The following UMOD variants were observed in gnomAD, a reference collection of about 807,000 sequenced individuals.
UMOD encodes the protein uromodulin, also known as Tamm-Horsfall urinary glycoprotein.
In UMOD, 64 loss-of-function variants were observed where a neutral mutation model predicts 66.0. That is an observed-to-expected ratio of 0.97 (90% CI 0.79 to 1.19). The LOEUF is 1.19. Ranked by LOEUF, UMOD falls within the 50% of genes most tolerant of loss-of-function variation. UMOD has a pLI of 0.00. For synonymous variants in UMOD, 398 were observed against 352.7 expected, an observed-to-expected ratio of 1.13 and a Z score of -1.44; for missense variants, 764 against 850.9, an observed-to-expected ratio of 0.90 and a Z score of 1.27.
intron 1 of UMOD, 66 bp from the exon 2 acceptor site, chr16:20,350,905 C>T (rs1441691667): frequency 2.7e-6 from 4 of 1,463,226 alleles, no homozygotes; most frequent in African/African-American, 1.4e-5. Context: ...GGAAGGAGTG[C>T]TTTGATTGTA....
chr16:20,352,258 A>G (rs1828902624), intron 1 of UMOD, among the ~76,000 whole-genome samples: 1 of 152,116 alleles, frequency 6.6e-6, no homozygotes, highest in Non-Finnish European at 1.5e-5. Context: ...GCTTACTGAC[A>G]TATTCTATTA....
chr16:20,336,875 G>A (rs1188745585), intron 8 of UMOD, 148 bp from the exon 9 acceptor site: 2 of 693,060 alleles, frequency 2.9e-6, no homozygotes, highest in East Asian at 5.5e-5. Flanking sequence ...GCTCGTGCAG[G>A]TCCCAGCTCT....
chr16:20,347,025 CT>C (rs71149134), intron 4 of UMOD, among the ~76,000 whole-genome samples: 1 of 151,818 alleles, frequency 6.6e-6, no homozygotes, highest in Non-Finnish European at 1.5e-5. Context: ...CTCTCTCTCT[CT>C]TTTTTTTGAG....
upstream of UMOD, chr16:20,352,726 T>C (rs1157074232): frequency 8.1e-7 from 1 of 1,231,584 alleles, no homozygotes; most frequent in African/African-American, 1.6e-5. Context: ...GGTCATGATG[T>C]GCCTCATACT....
Position 20,346,285 on chromosome 16 carries a change from C to T in UMOD, c.1023G>A (p.Lys341=), listed in dbSNP as rs1222483299. Residue 341 remains lysine, a synonymous_variant, in exon 5 of 11, where the codon AAG becomes AAA. Coordinates refer to ENST00000396138, the MANE Select transcript of UMOD (RefSeq NM_003361.4). ...HRLECGANDM[K]VSLGKCQLKS... ...TCAGCTGGCACTTGCCCAGCGACAC[C>T]TTCATGTCATTGGCCCCACATTCCA... The T allele has an allele frequency of 1.6e-5, 26 of 1,614,138 alleles. No individual in the cohort carries two copies. The highest frequency in any genetic ancestry group is 2.0e-5 in the Non-Finnish European group (24 of 1,180,056).
upstream of UMOD, among the ~76,000 whole-genome samples, chr16:20,354,463 C>T (rs1439902949): frequency 6.6e-6 from 1 of 152,112 alleles, no homozygotes. Context: ...TAAGTGGAAA[C>T]GATCTCATTA....
chr16:20,348,409 G>T (rs2141673420), intron 3 of UMOD, 27 bp downstream of exon 3: 1 of 1,614,102 alleles, frequency 6.2e-7, no homozygotes, highest in East Asian at 2.2e-5. Flanking sequence ...GGCCTGGGAT[G>T]AGGACTGTGG....
At chr16:20,348,077 T>A in intron 4 of UMOD, 146 bp downstream of exon 4, 1 of 770,284 alleles carries the variant, frequency 1.3e-6, no homozygotes, top group Non-Finnish European at 2.3e-6. Flanking sequence ...TTAATGGGTA[T>A]TAGTGGATCT....
chr16:20,352,019 C>CA (rs1567313774), intron 1 of UMOD, among the ~76,000 whole-genome samples: 5 of 141,330 alleles, frequency 3.5e-5, no homozygotes, highest in Non-Finnish European at 7.5e-5. Flanking sequence ...ATCCCCCCCC[C>CA]CCAAAAAAAA....
intron 7 of UMOD, among the ~76,000 whole-genome samples, chr16:20,338,086 T>C (rs1260068610): frequency 1.3e-5 from 2 of 152,222 alleles, no homozygotes; most frequent in Non-Finnish European, 2.9e-5. Flanking sequence ...GGAGGGAGGC[T>C]GAACACTGAC....
chr16:20,349,742 C>A (rs1965799314), intron 2 of UMOD: 4 of 1,540,086 alleles, frequency 2.6e-6, no homozygotes, highest in Non-Finnish European at 3.5e-6. Context: ...GTTGCCCCTC[C>A]CTTTCTTTGC....
rs766069450 is a variant in UMOD at position 20,350,702 on chromosome 16, C to A, written c.36G>T (p.Val12=). Residue 12 remains valine (V), a synonymous_variant, in exon 2 of 11, where the codon GTG becomes GTT. Coordinates refer to ENST00000396138, the MANE Select transcript of UMOD (RefSeq NM_003361.4). The part of the protein sequence containing the change: ...GQPSLTWMLM[V]VVASWFITTA... ...TTGTGATGAACCAAGAGGCCACCAC[C>A]ACCATCAGCATCCAAGTCAGAGATG... 38 of 1,614,074 alleles carry A rather than the reference C, an allele frequency of 2.4e-5. No homozygotes were observed. Among genetic ancestry groups the A allele is most frequent in the Admixed American group, 8.3e-5 (5 of 60,004 alleles).
rs115879056 is a variant in UMOD, at chr16:20,338,753, G to A, written c.1578-1300C>T. On this transcript the variant is annotated intron_variant, in intron 7 of 10. Coordinates refer to ENST00000396138, the MANE Select transcript of UMOD (RefSeq NM_003361.4). Reference sequence around the variant, plus strand: ...GTGATCCACCTGCCTCGGCCTCCCTGCTATGCTTTATTTTTATTTTCTTGA... The same window carrying A: ...GTGATCCACCTGCCTCGGCCTCCCTACTATGCTTTATTTTTATTTTCTTGA... Among the ~76,000 whole-genome samples, 1,374 of 151,182 alleles carry A rather than the reference G, an allele frequency of 9.1e-3. 16 individuals carry two copies. The highest frequency in any genetic ancestry group is 0.029 in the South Asian group (141 of 4,780).
chr16:20,349,485 G>A (rs1162613592), intron 2 of UMOD, among the ~76,000 whole-genome samples: 3 of 152,120 alleles, frequency 2.0e-5, no homozygotes, highest in Admixed American at 2.0e-4. Flanking sequence ...GTGCAGTAGT[G>A]CGATCATAGC....
Position 20,344,069 on chromosome 16 carries a change from AG to A in UMOD, c.1285del (p.Leu429TrpfsTer3), listed in dbSNP as rs1064796302. ...IKINFACSYP[L>X]DMKVSLKTAL... ...GGTCTTCAGGCTGACTTTCATGTCC[AG>A]GGGGTAGGAGCATGCAAAGTTGATT... On this transcript the variant is annotated frameshift_variant, in exon 6 of 11. Coordinates refer to ENST00000396138, the MANE Select transcript of UMOD (RefSeq NM_003361.4). LOFTEE classifies it high-confidence loss of function. The A allele has an allele frequency of 6.2e-6, 10 of 1,611,532 alleles. No individual in the cohort carries two copies. Among genetic ancestry groups the A allele is most frequent in the Middle Eastern group, 1.7e-4 (1 of 6,040 alleles).
At chr16:20,343,447 A>G (rs1965356675) in intron 6 of UMOD, among the ~76,000 whole-genome samples, 1 of 152,210 alleles carries the variant, frequency 6.6e-6, no homozygotes, top group Non-Finnish European at 1.5e-5. Flanking sequence ...AATATGAAAT[A>G]TGATTTGCCC....
chr16:20,346,900 AG>A (rs1470325473), intron 4 of UMOD, among the ~76,000 whole-genome samples: 1 of 53,624 alleles, frequency 1.9e-5, no homozygotes, highest in Non-Finnish European at 1.1e-4. Context: ...AAAGAAAGAA[AG>A]AAAGAAAGAA....
chr16:20,336,821 TC>T, intron 8 of UMOD, 94 bp from the exon 9 acceptor site: 2 of 1,149,314 alleles, frequency 1.7e-6, no homozygotes, highest in Non-Finnish European at 2.6e-6. Flanking sequence ...ACAGGTGCCT[TC>T]CCTTGCCCCA....
intron 7 of UMOD, among the ~76,000 whole-genome samples, chr16:20,337,914 A>AT (rs1218395006): frequency 6.6e-6 from 1 of 152,180 alleles, no homozygotes; most frequent in Non-Finnish European, 1.5e-5. Context: ...ATCTGCACGT[A>AT]TACACAATTG....
Sources: allele counts gnomAD v4.1 joint callset (sites outside exome capture counted in the v4.1 genomes callset), GRCh38; gene constraint gnomAD v4.1.1; transcripts MANE v1.5; gene names NCBI Gene and HGNC (gene_info 2026-07-23, HGNC 2026-07-21).